The following FUT9 variants were observed in gnomAD, a reference collection of about 807,000 sequenced individuals.
The protein encoded by FUT9 is fucosyltransferase 9.
A neutral mutation model predicts 29.7 loss-of-function variants in FUT9; 15 were observed. The ratio of observed to expected loss-of-function variants is 0.51; its 90% CI spans 0.34 to 0.78. The LOEUF is 0.78. FUT9 is among the 30% of genes least tolerant of loss of function. FUT9 has a pLI of 0.01. For synonymous variants in FUT9, 169 were observed against 153.7 expected (o/e 1.10, Z -0.74); for missense variants, 319 against 425.4 (o/e 0.75, Z 2.20).
intron 2 of FUT9, among the ~76,000 whole-genome samples, chr6:96,161,129 G>T (rs1308597114): frequency 1.3e-5 from 2 of 152,112 alleles, no homozygotes; most frequent in African/African-American, 4.8e-5. Context: ...CTAGAAATTT[G>T]CTATCATCTG....
intron 1 of FUT9, among the ~76,000 whole-genome samples, chr6:96,021,165 A>T (rs1254760671): frequency 6.6e-6 from 1 of 152,086 alleles, no homozygotes; most frequent in East Asian, 1.9e-4. Flanking sequence ...ACATGGATCT[A>T]GGCATGCTGT....
intron 2 of FUT9, among the ~76,000 whole-genome samples, chr6:96,165,160 G>A (rs901246887): frequency 3.9e-5 from 6 of 152,218 alleles, no homozygotes; most frequent in African/African-American, 1.4e-4. Flanking sequence ...GGCTGGGAGT[G>A]GTGGTTCACA....
intron 1 of FUT9, among the ~76,000 whole-genome samples, chr6:96,107,456 A>C (rs1490653266): frequency 2.0e-5 from 3 of 152,212 alleles, no homozygotes; most frequent in African/African-American, 7.2e-5. Flanking sequence ...TTTAGGAAGA[A>C]TGTACAAGGA....
At chr6:96,085,843 C>T (rs1016578113) in intron 1 of FUT9, among the ~76,000 whole-genome samples, 7 of 152,094 alleles carry the variant, frequency 4.6e-5, no homozygotes, top group African/African-American at 1.4e-4. Context: ...GCCTTGCATC[C>T]CTCAAGTATT....
chr6:96,140,449 G>A (rs539353675), intron 2 of FUT9, among the ~76,000 whole-genome samples: 1 of 152,210 alleles, frequency 6.6e-6, no homozygotes, highest in Non-Finnish European at 1.5e-5. Flanking sequence ...CACATTTTCA[G>A]GTATCTTTAT....
At chr6:96,052,036 T>G (rs978628623) in intron 1 of FUT9, among the ~76,000 whole-genome samples, 1 of 152,132 alleles carries the variant, frequency 6.6e-6, no homozygotes, top group African/African-American at 2.4e-5. Context: ...GTTTAATTGA[T>G]TCACAGTTCT....
chr6:96,048,782 G>C (rs9498824), intron 1 of FUT9, among the ~76,000 whole-genome samples: 98,644 of 151,952 alleles, frequency 0.65, 33,036 homozygotes, highest in African/African-American at 0.83. Context: ...AAATGAGAGG[G>C]GGGGAACTGA....
chr6:96,129,720 A>G (rs1772206073), intron 2 of FUT9, among the ~76,000 whole-genome samples: 1 of 151,974 alleles, frequency 6.6e-6, no homozygotes, highest in Non-Finnish European at 1.5e-5. Flanking sequence ...TAGTATTAAA[A>G]TTTGGTATTA....
chr6:96,198,425 T>C (rs1286099043), intron 2 of FUT9, among the ~76,000 whole-genome samples: 1 of 152,180 alleles, frequency 6.6e-6, no homozygotes, highest in African/African-American at 2.4e-5. Flanking sequence ...ATTTCATTCA[T>C]GTCCCTACAA....
intron 2 of FUT9, among the ~76,000 whole-genome samples, chr6:96,176,700 C>A (rs375001764): frequency 6.6e-6 from 1 of 152,136 alleles, no homozygotes; most frequent in Admixed American, 6.6e-5. Context: ...CATCTGCTAA[C>A]CTCAGGGCCA....
chr6:96,132,867 C>G (rs765055439), intron 2 of FUT9, among the ~76,000 whole-genome samples: 11 of 152,028 alleles, frequency 7.2e-5, no homozygotes, highest in Admixed American at 2.6e-4. Flanking sequence ...ACATTCAAAG[C>G]AAATACACAA....
At chr6:96,132,218 T>C (rs1308275324) in intron 2 of FUT9, among the ~76,000 whole-genome samples, 1 of 152,038 alleles carries the variant, frequency 6.6e-6, no homozygotes, top group East Asian at 1.9e-4. Flanking sequence ...TTATGGGAGA[T>C]AGGAATTCTT....
chr6:96,178,014 G>A (rs1178446430), intron 2 of FUT9, among the ~76,000 whole-genome samples: 2 of 152,066 alleles, frequency 1.3e-5, no homozygotes, highest in African/African-American at 2.4e-5. Flanking sequence ...TTCTTAAAAG[G>A]ACTAAAAGAG....
rs569238925 is a variant in FUT9 at position 96,201,429 on chromosome 6, C to G, written c.-8-1719C>G. On this transcript the variant is annotated intron_variant, in intron 2 of 2. Coordinates refer to ENST00000302103, the MANE Select transcript of FUT9 (RefSeq NM_006581.4). Reference sequence around the variant, plus strand: ...GTTTGAGTATTTTCAAATATTGTGACATTATTACTCATTTCAAATTTCTGG... The same window carrying G: ...GTTTGAGTATTTTCAAATATTGTGAGATTATTACTCATTTCAAATTTCTGG... Among the ~76,000 whole-genome samples the G allele has an allele frequency of 2.6e-5, 4 of 151,936 alleles. No homozygotes were observed. In the East Asian group the frequency reaches 7.7e-4, roughly 29 times the overall value.
intron 1 of FUT9, among the ~76,000 whole-genome samples, chr6:96,048,058 G>A (rs1480469437): frequency 6.6e-6 from 1 of 152,092 alleles, no homozygotes; most frequent in Non-Finnish European, 1.5e-5. Context: ...TTTGGCTCAT[G>A]GTTCTTCCTC....
chr6:96,123,060 C>CAAAAAAAA (rs56330234), intron 2 of FUT9, among the ~76,000 whole-genome samples: 1 of 64,970 alleles, frequency 1.5e-5, no homozygotes, highest in African/African-American at 6.9e-5. Flanking sequence ...GACTCAGTCT[C>CAAAAAAAA]AAAAAAAAAA....
At chr6:96,161,860 A>C (rs1772909817) in intron 2 of FUT9, among the ~76,000 whole-genome samples, 1 of 152,210 alleles carries the variant, frequency 6.6e-6, no homozygotes, top group Admixed American at 6.5e-5. Context: ...CCATTCCAAG[A>C]ATTTCTACTA....
At chr6:96,192,316 C>T (rs2127988955) in intron 2 of FUT9, among the ~76,000 whole-genome samples, 1 of 152,292 alleles carries the variant, frequency 6.6e-6, no homozygotes, top group South Asian at 2.1e-4. Context: ...ATCATCTCAA[C>T]CTAAAATCTC....
At chr6:96,033,480 C>T (rs145188633) in intron 1 of FUT9, among the ~76,000 whole-genome samples, 70 of 151,702 alleles carry the variant, frequency 4.6e-4, no homozygotes, top group African/African-American at 1.6e-3. Flanking sequence ...AATGACTCCA[C>T]ATTCAATTGA....
Sources: allele counts gnomAD v4.1 joint callset (sites outside exome capture counted in the v4.1 genomes callset), GRCh38; gene constraint gnomAD v4.1.1; transcripts MANE v1.5; gene names NCBI Gene and HGNC (gene_info 2026-07-23, HGNC 2026-07-21).